Variants in NAALADL2 observed in about 807,000 individuals in gnomAD.
NAALADL2 encodes inactive N-acetylated-alpha-linked acidic dipeptidase-like protein 2.
Under a neutral mutation model 87.2 loss-of-function variants are expected in NAALADL2, and 76 were observed. The observed-to-expected ratio is 0.87, with a 90% CI of 0.72 to 1.05. The LOEUF (loss-of-function observed/expected upper bound fraction) is 1.05. Among genes scored for constraint, NAALADL2 ranks in the 50% least tolerant of loss-of-function variants. NAALADL2 has a pLI of 0.00. For missense variants in NAALADL2, 1,089 were observed against 945.8 expected, an observed-to-expected ratio of 1.15 and a Z score of -1.99; for synonymous variants, 354 against 331.0, an observed-to-expected ratio of 1.07 and a Z score of -0.75.
intron 10 of NAALADL2, among the ~76,000 whole-genome samples, chr3:175,576,610 A>T (rs1718938460): frequency 6.6e-6 from 1 of 152,214 alleles, no homozygotes; most frequent in Non-Finnish European, 1.5e-5. Context: ...GTTTGTCAAT[A>T]GTTTGCCTGC....
At chr3:175,673,198 C>T (rs1375188694) in intron 11 of NAALADL2, among the ~76,000 whole-genome samples, 1 of 152,098 alleles carries the variant, frequency 6.6e-6, no homozygotes, top group Non-Finnish European at 1.5e-5. Context: ...AATTTATATC[C>T]TCTCTTGTGA....
intron 1 of NAALADL2, among the ~76,000 whole-genome samples, chr3:174,467,596 T>TAAA (rs58227642): frequency 6.7e-5 from 4 of 59,602 alleles, no homozygotes; most frequent in Non-Finnish European, 1.1e-4. Context: ...CCATCTCAGT[T>TAAA]AAAAAAAAAA....
chr3:175,605,645 T>TTTTTTGTTTG (rs1190356322), intron 10 of NAALADL2, among the ~76,000 whole-genome samples: 1 of 33,100 alleles, frequency 3.0e-5, no homozygotes, highest in African/African-American at 5.2e-5. Flanking sequence ...TGCTTGTTTT[T>TTTTTTGTTTG]TTTTTTTTTT....
intron 11 of NAALADL2, among the ~76,000 whole-genome samples, chr3:175,687,913 C>A (rs113891770): frequency 2.0e-5 from 3 of 152,120 alleles, no homozygotes; most frequent in African/African-American, 7.2e-5. Context: ...TTCCTGAGGC[C>A]TCACCAGAAG....
chr3:175,332,657 T>C (rs940286088), intron 5 of NAALADL2, among the ~76,000 whole-genome samples: 2 of 152,216 alleles, frequency 1.3e-5, no homozygotes, highest in African/African-American at 4.8e-5. Flanking sequence ...TAACATATAG[T>C]CTTTCATGGA....
intron 1 of NAALADL2, among the ~76,000 whole-genome samples, chr3:174,935,197 T>A (rs1159291631): frequency 1.3e-5 from 2 of 152,150 alleles, no homozygotes; most frequent in Non-Finnish European, 2.9e-5. Context: ...TCATGTGTAA[T>A]GTTCTGACTC....
At chr3:175,174,769 ATGTGTGTG>A (rs140644156) in intron 2 of NAALADL2, among the ~76,000 whole-genome samples, 3 of 143,312 alleles carry the variant, frequency 2.1e-5, no homozygotes, top group African/African-American at 7.5e-5. Context: ...TATGCTATTC[ATGTGTGTG>A]TGTGTGTGTG....
At chr3:175,215,008 T>A (rs1369877802) in intron 2 of NAALADL2, among the ~76,000 whole-genome samples, 5 of 152,116 alleles carry the variant, frequency 3.3e-5, no homozygotes, top group Non-Finnish European at 7.4e-5. Context: ...ACGGACTAAT[T>A]TTTATGAGCT....
chr3:174,734,623 A>G (rs1391834524), intron 2 of NAALADL2, among the ~76,000 whole-genome samples: 1 of 152,160 alleles, frequency 6.6e-6, no homozygotes. Flanking sequence ...TCCGGTCCAT[A>G]ACATTTGAGG....
intron 1 of NAALADL2, among the ~76,000 whole-genome samples, chr3:174,866,528 C>T (rs1047426449): frequency 2.5e-4 from 38 of 151,846 alleles, no homozygotes; most frequent in African/African-American, 9.2e-4. Flanking sequence ...AAAATAGATT[C>T]TTTTAAAATT....
chr3:175,616,689 C>T (rs533049968), intron 10 of NAALADL2, among the ~76,000 whole-genome samples: 1 of 152,102 alleles, frequency 6.6e-6, no homozygotes, highest in Admixed American at 6.5e-5. Flanking sequence ...GCAGGCTGCA[C>T]TCCCTTGTGC....
chr3:175,101,598 G>T (rs1431835057), intron 2 of NAALADL2, among the ~76,000 whole-genome samples: 7 of 152,142 alleles, frequency 4.6e-5, no homozygotes, highest in African/African-American at 1.4e-4. Flanking sequence ...GGCAAAAGCC[G>T]CAATTACTTT....
chr3:175,753,576 C>T (rs2150129159), intron 12 of NAALADL2, among the ~76,000 whole-genome samples: 1 of 152,244 alleles, frequency 6.6e-6, no homozygotes, highest in Non-Finnish European at 1.5e-5. Context: ...AACGTATCAG[C>T]TATACATCTA....
At chr3:175,094,617 C>T (rs1435866952) in intron 1 of NAALADL2, among the ~76,000 whole-genome samples, 2 of 150,954 alleles carry the variant, frequency 1.3e-5, no homozygotes, top group East Asian at 1.9e-4. Context: ...GGAAACAAGA[C>T]CAAACAAGAA....
At chr3:175,173,245 TTG>T (rs1735124201) in intron 2 of NAALADL2, among the ~76,000 whole-genome samples, 1 of 151,842 alleles carries the variant, frequency 6.6e-6, no homozygotes, top group Admixed American at 6.6e-5. Flanking sequence ...TGAGCTGAGA[TTG>T]TGCTACCGCA....
intron 1 of NAALADL2, among the ~76,000 whole-genome samples, chr3:175,088,293 G>T (rs572565534): frequency 8.7e-4 from 133 of 152,248 alleles, no homozygotes; most frequent in Non-Finnish European, 1.7e-3. Flanking sequence ...ATATAGATTT[G>T]GGAGGTTAAC....
At chr3:174,989,919 C>T (rs1746485037) in intron 1 of NAALADL2, among the ~76,000 whole-genome samples, 1 of 152,038 alleles carries the variant, frequency 6.6e-6, no homozygotes, top group Non-Finnish European at 1.5e-5. Context: ...GACCTCATTT[C>T]TGGATCTCCC....
chr3:174,730,684 T>G (rs1732623766), intron 2 of NAALADL2, among the ~76,000 whole-genome samples: 1 of 152,100 alleles, frequency 6.6e-6, no homozygotes, highest in Admixed American at 6.6e-5. Context: ...TGACATATTT[T>G]TTTAACCTTT....
chr3:174,548,902 C>G (rs567543549), intron 1 of NAALADL2, among the ~76,000 whole-genome samples: 3 of 152,180 alleles, frequency 2.0e-5, no homozygotes, highest in Non-Finnish European at 4.4e-5. Context: ...TGCAGTGGCA[C>G]GATCACAGCT....
Sources: allele counts gnomAD v4.1 joint callset (sites outside exome capture counted in the v4.1 genomes callset), GRCh38; gene constraint gnomAD v4.1.1; transcripts MANE v1.5; gene names NCBI Gene and HGNC (gene_info 2026-07-23, HGNC 2026-07-21).